The following STRIP1 variants were observed in gnomAD, a reference collection of about 807,000 sequenced individuals.
STRIP1 encodes striatin interacting protein 1.
In STRIP1, 63 loss-of-function variants were observed where a neutral mutation model predicts 106.2. The ratio of observed to expected loss-of-function variants is 0.59; its 90% CI spans 0.48 to 0.73. The LOEUF (loss-of-function observed/expected upper bound fraction) is 0.73, where lower values mean the gene tolerates loss of function less well. Ranked by LOEUF, STRIP1 falls within the 30% of genes least tolerant of loss-of-function variation. STRIP1 has a pLI of 0.00. For synonymous variants in STRIP1, 390 were observed against 413.0 expected, an observed-to-expected ratio of 0.94 and a Z score of 0.67; for missense variants, 857 against 1,074.8, an observed-to-expected ratio of 0.80 and a Z score of 2.83.
chr1:110,054,021 C>G lies in STRIP1; in HGVS notation c.*109C>G. ...TCCCATCCCCCACCAGGTGGCAGCA[C>G]AGCCCCACTGTGTCTTCCGCAGTCT... is the stretch of plus-strand genomic sequence containing the variant. On this transcript the variant is annotated 3_prime_UTR_variant, in exon 21 of 21. Coordinates refer to ENST00000369795, the MANE Select transcript of STRIP1 (RefSeq NM_033088.4). 7.2e-7 allele frequency: 1 copy of G among 1,385,880 alleles called. No homozygotes were observed. The highest frequency in any genetic ancestry group is 1.8e-5 in the Admixed American group (1 of 55,742). The allele number at this position is 1,385,880 out of a possible 1,614,324, so 85.8% of individuals were successfully genotyped here.
chr1:110,041,664 C>T (rs41281346), intron 7 of STRIP1, 22 bp downstream of exon 7: 20,401 of 1,614,108 alleles, frequency 0.013, 168 homozygotes, highest in Middle Eastern at 0.021. Context: ...GGGATCCTCT[C>T]TAGAGGCCCT....
chr1:110,039,774 T>C lies in STRIP1; in HGVS notation c.581+259T>C, dbSNP rs1477060288. On this transcript the variant is annotated intron_variant, in intron 5 of 20. Transcript: ENST00000369795. ...GTGCAGGCCCTGCCCAGGCCTGGGG[T>C]GCTCCTCAGAAGGAGACTCTTCACT... is the stretch of plus-strand genomic sequence containing the variant. The C allele has an allele frequency of 3.8e-6, 5 of 1,299,312 alleles. No individual in the cohort carries two copies. In the Admixed American group the frequency reaches 8.6e-5, roughly 22 times the overall value. 80.5% of individuals were successfully genotyped at this position (1,299,312 alleles called of 1,614,324 possible). A position where few individuals can be genotyped will look rare whatever the true frequency, so the allele number is the denominator to read the frequency against.
rs1652852003 is a variant in STRIP1 at position 110,043,176 on chromosome 1, T to C, written c.974T>C (p.Ile325Thr). ...LGLPPLPEDS[I>T]KVIRNMRAAS... ...CTCCCCCCGCTTCCTGAGGACAGCATCAAAGTGATTCGCAACATGAGAGCA... is the reference window on the plus strand; with the variant it reads ...CTCCCCCCGCTTCCTGAGGACAGCACCAAAGTGATTCGCAACATGAGAGCA... The change falls in exon 9 of 21, where the codon ATC becomes ACC. Residue 325 changes from isoleucine (I) to threonine (T), a missense_variant. Physicochemically the swap from Ile to Thr is moderately conservative, Grantham distance 89. This residue lies in a region of STRIP1 where 750 missense variants were observed against 989.8 expected (regional missense o/e 0.76). Coordinates refer to ENST00000369795, the MANE Select transcript of STRIP1 (RefSeq NM_033088.4). The C allele has an allele frequency of 6.2e-7, 1 of 1,613,924 alleles. No individual in the cohort carries two copies.
At chr1:110,048,596 G>C (rs1178226642) in intron 15 of STRIP1, among the ~76,000 whole-genome samples, 1 of 152,234 alleles carries the variant, frequency 6.6e-6, no homozygotes, top group African/African-American at 2.4e-5. Context: ...TGGAAAAAAG[G>C]TTCTAGAGTC....
At position 110,054,353 on chromosome 1, in the gene STRIP1, A is replaced by G. The variant is rs145561642; in HGVS notation, c.*441A>G. 276 of 152,650 alleles carry G rather than the reference A, an allele frequency of 1.8e-3. 1 individual carries two copies. Among genetic ancestry groups the G allele is most frequent in the African/African-American group, 7.3e-3 (270 of 37,188 alleles). The allele number at this position is 152,650 out of a possible 1,614,324, so 9.5% of individuals were successfully genotyped here. Reference sequence around the variant, plus strand: ...TTAGGGCCAGGGCCAGAAAGTCGGTATCTTGGTTGTGCTCTGGGGTGGGGG... The same window carrying G: ...TTAGGGCCAGGGCCAGAAAGTCGGTGTCTTGGTTGTGCTCTGGGGTGGGGG... On this transcript the variant is annotated 3_prime_UTR_variant, in exon 21 of 21. Coordinates refer to ENST00000369795, the MANE Select transcript of STRIP1 (RefSeq NM_033088.4).
chr1:110,037,838 CT>C, intron 1 of STRIP1, 52 bp from the exon 2 acceptor site: 1 of 1,274,388 alleles, frequency 7.8e-7, no homozygotes. Flanking sequence ...GCATGAGTTT[CT>C]TTGATAAATA....
chr1:110,043,829 A>T lies in STRIP1; in HGVS notation c.1259A>T (p.Lys420Ile). ...HPQTDRLTCP[K>I]GLPWAPKVRE... Reference sequence around the variant, plus strand: ...CAGACTGACAGGCTGACTTGCCCCAAAGGGCTCCCGTGGGCTCCCAAGGTC... The same window carrying T: ...CAGACTGACAGGCTGACTTGCCCCATAGGGCTCCCGTGGGCTCCCAAGGTC... Residue 420 changes from lysine (K) to isoleucine (I), a missense_variant, in exon 10 of 21, where the codon AAA becomes ATA. Transcript: ENST00000369795. The T allele has an allele frequency of 6.2e-7, 1 of 1,614,010 alleles. No homozygotes were observed. The highest frequency in any genetic ancestry group is 8.5e-7 in the Non-Finnish European group (1 of 1,180,000).
chr1:110,032,204 C>T (rs1035610905), upstream of STRIP1, among the ~76,000 whole-genome samples: 3 of 152,142 alleles, frequency 2.0e-5, no homozygotes, highest in African/African-American at 7.2e-5. Context: ...CAAAACCCTC[C>T]CTGTTCTAAA....
chr1:110,046,319 G>A (rs564251966), intron 12 of STRIP1, among the ~76,000 whole-genome samples: 36 of 152,112 alleles, frequency 2.4e-4, no homozygotes, highest in African/African-American at 8.4e-4. Flanking sequence ...CACCAACATG[G>A]CAAAATCCCA....
Position 110,034,750 on chromosome 1 carries a change from C to T in STRIP1, c.113C>T (p.Ala38Val). Residue 38 changes from alanine to valine, a missense_variant, in exon 1 of 21, where the codon GCC becomes GTC. Coordinates refer to ENST00000369795, the MANE Select transcript of STRIP1 (RefSeq NM_033088.4). ...AAQPPPGAPR[A>V]AAGLLPGGKA... Reference sequence around the variant, plus strand: ...CAGCCACCACCCGGGGCACCGCGGGCCGCCGCGGGCCTCCTGCCTGGGGGC... The same window carrying T: ...CAGCCACCACCCGGGGCACCGCGGGTCGCCGCGGGCCTCCTGCCTGGGGGC... 3 of 1,462,434 alleles carry T rather than the reference C, an allele frequency of 2.1e-6. No homozygotes were observed. The highest frequency in any genetic ancestry group is 2.7e-6 in the Non-Finnish European group (3 of 1,113,650). 90.6% of individuals were successfully genotyped at this position (1,462,434 alleles called of 1,614,324 possible).
At chr1:110,045,657 C>A (rs1652987347) in intron 12 of STRIP1, among the ~76,000 whole-genome samples, 1 of 152,096 alleles carries the variant, frequency 6.6e-6, no homozygotes, top group South Asian at 2.1e-4. Context: ...GAGAATGAGG[C>A]TTAAGAACAC....
At chr1:110,036,528 C>T (rs1652463822) in intron 1 of STRIP1, among the ~76,000 whole-genome samples, 1 of 152,200 alleles carries the variant, frequency 6.6e-6, no homozygotes, top group African/African-American at 2.4e-5. Context: ...AAGCAGAGAC[C>T]TGTCTAAATC....
intron 3 of STRIP1, among the ~76,000 whole-genome samples, 157 bp downstream of exon 3, chr1:110,038,914 G>A (rs892581831): frequency 6.6e-6 from 1 of 152,102 alleles, no homozygotes; most frequent in Non-Finnish European, 1.5e-5. Context: ...GAGTGGGCTT[G>A]TGGCACATCG....
Position 110,034,810 on chromosome 1 carries a change from A to C in STRIP1, c.173A>C (p.Asp58Ala). 1.4e-6 allele frequency: 2 copies of C among 1,404,452 alleles called. No individual in the cohort carries two copies. The highest frequency in any genetic ancestry group is 1.8e-6 in the Non-Finnish European group (2 of 1,082,992). The allele number at this position is 1,404,452 out of a possible 1,614,324, so 87.0% of individuals were successfully genotyped here. A position where few individuals can be genotyped will look rare whatever the true frequency, so the allele number is the denominator to read the frequency against. ...GAGTTCAACCGCAACCAGCGCAAAG[A>C]CTCAGAGGTCAGGAGCTTCGGGGGG... is the stretch of plus-strand genomic sequence containing the variant. ...AREFNRNQRK[D>A]SEGYSESPDL... Residue 58 changes from aspartate (D) to alanine (A), a missense_variant, in exon 1 of 21, where the codon GAC becomes GCC. Physicochemically the swap from Asp to Ala is moderately radical, Grantham distance 126 (BLOSUM62 -2). Transcript: ENST00000369795.
chr1:110,042,451 T>C (rs74840247), intron 8 of STRIP1, among the ~76,000 whole-genome samples: 2,825 of 152,302 alleles, frequency 0.019, 74 homozygotes, highest in African/African-American at 0.051. Flanking sequence ...ACACTGGGGC[T>C]CATCCTTCCT....
In STRIP1 at chr1:110,053,691, C is replaced by G. The variant is rs1455258848; in HGVS notation, c.2293C>G (p.Gln765Glu). The change falls in exon 21 of 21, where the codon CAG becomes GAG. Residue 765 changes from glutamine to glutamate, a missense_variant. Coordinates refer to ENST00000369795, the MANE Select transcript of STRIP1 (RefSeq NM_033088.4). ...NDLDARPWDF[Q>E]AEECALRANI... is the part of the protein sequence containing the mutation. ...TCTTGATGCCCGGCCTTGGGACTTC[C>G]AGGCAGAGGAGTGTGCCCTTCGTGC... 2 of 1,614,148 alleles carry G rather than the reference C, an allele frequency of 1.2e-6. No individual in the cohort carries two copies. Among genetic ancestry groups the G allele is most frequent in the Non-Finnish European group, 1.7e-6 (2 of 1,180,026 alleles).
At chr1:110,034,028 C>T (rs1415005304), upstream of STRIP1, among the ~76,000 whole-genome samples, 1 of 152,240 alleles carries the variant, frequency 6.6e-6, no homozygotes, top group East Asian at 1.9e-4. Context: ...ACCATGGGCT[C>T]TCTTACATAA....
chr1:110,048,073 G>A (rs1337269878), intron 15 of STRIP1: 1 of 566,762 alleles, frequency 1.8e-6, no homozygotes, highest in Non-Finnish European at 3.2e-6. Context: ...GGATTCTAGT[G>A]TAGACTCTAC....
upstream of STRIP1, among the ~76,000 whole-genome samples, chr1:110,033,394 G>C (rs1192298694): frequency 1.3e-5 from 2 of 152,142 alleles, no homozygotes; most frequent in African/African-American, 2.4e-5. Context: ...TTTGTGCAGG[G>C]ACTCTCCACT....
Sources: gnomAD v4.1 joint callset for allele counts (sites outside exome capture counted in the v4.1 genomes callset) on GRCh38, gnomAD v4.1.1 for gene constraint, gnomAD v4.1.1 regional missense constraint, MANE v1.5 for transcripts, NCBI Gene and HGNC (gene_info 2026-07-23, HGNC 2026-07-21) for gene names.